SV2C: variants seen among roughly 807,000 people sequenced by gnomAD.
SV2C encodes the protein synaptic vesicle glycoprotein 2C.
Under a neutral mutation model 79.7 loss-of-function variants are expected in SV2C, and 49 were observed. The observed-to-expected ratio is 0.61, with a 90% CI of 0.49 to 0.78. The LOEUF is 0.78. Ranked by LOEUF, SV2C falls within the 30% of genes least tolerant of loss-of-function variation. The pLI, the probability that SV2C is intolerant of heterozygous loss-of-function variation, is 0.00. For synonymous variants in SV2C, 334 were observed against 333.2 expected (o/e 1.00, Z -0.03); for missense variants, 833 against 912.9 (o/e 0.91, Z 1.13).
the SV2C span, among the ~76,000 whole-genome samples, chr5:76,014,286 A>T: frequency 6.8e-6 from 1 of 146,906 alleles, no homozygotes; most frequent in Non-Finnish European, 1.5e-5. Flanking sequence ...GAAAGAAAGA[A>T]ATCTTTCTCT....
the SV2C span, among the ~76,000 whole-genome samples, chr5:76,064,582 G>T: frequency 2.7e-3 from 411 of 152,180 alleles, no homozygotes; most frequent in Non-Finnish European, 4.3e-3. Flanking sequence ...ATTGTGTTAG[G>T]TCCTACTCAG....
At chr5:76,221,971 C>A (rs1034857866) in intron 4 of SV2C, among the ~76,000 whole-genome samples, 1 of 152,040 alleles carries the variant, frequency 6.6e-6, no homozygotes, top group Non-Finnish European at 1.5e-5. Flanking sequence ...GTGAATAAAT[C>A]GTGAATACAT....
chr5:76,348,638 G>A (rs1161810747), intron 12 of SV2C, among the ~76,000 whole-genome samples: 1 of 152,210 alleles, frequency 6.6e-6, no homozygotes, highest in Non-Finnish European at 1.5e-5. Context: ...TACCAGAGAA[G>A]GTTGTACATG....
At chr5:76,045,756 T>C in the SV2C span, among the ~76,000 whole-genome samples, 1 of 152,158 alleles carries the variant, frequency 6.6e-6, no homozygotes, top group Non-Finnish European at 1.5e-5. Flanking sequence ...ATAAATAGCG[T>C]GGTAATTTGC....
downstream of SV2C, among the ~76,000 whole-genome samples, chr5:76,338,663 T>C (rs541910502): frequency 6.7e-5 from 10 of 149,150 alleles, no homozygotes; most frequent in East Asian, 1.7e-3. Flanking sequence ...CTTTTTCTTT[T>C]TTTTTTTTTT....
the SV2C span, among the ~76,000 whole-genome samples, chr5:76,038,779 A>C: frequency 4.6e-5 from 7 of 152,364 alleles, no homozygotes; most frequent in East Asian, 1.9e-4. Context: ...AGAAAATTAA[A>C]GCTTTCTGCA....
At chr5:76,067,067 G>C in the SV2C span, among the ~76,000 whole-genome samples, 2 of 152,102 alleles carry the variant, frequency 1.3e-5, no homozygotes, top group African/African-American at 4.8e-5. Flanking sequence ...AAAGAAAAAA[G>C]ATGTGATCTA....
At chr5:75,880,797 C>G in the SV2C span, among the ~76,000 whole-genome samples, 2 of 152,156 alleles carry the variant, frequency 1.3e-5, no homozygotes, top group Non-Finnish European at 2.9e-5. Context: ...TATCAATGCC[C>G]CACTTCTCAG....
intron 1 of SV2C, among the ~76,000 whole-genome samples, chr5:76,112,501 G>C (rs115655862): frequency 2.1e-4 from 32 of 152,166 alleles, no homozygotes; most frequent in African/African-American, 3.4e-4. Flanking sequence ...AAGGGGATGG[G>C]GGGGAGGACC....
At chr5:76,014,301 A>G in the SV2C span, among the ~76,000 whole-genome samples, 1 of 152,040 alleles carries the variant, frequency 6.6e-6, no homozygotes, top group Non-Finnish European at 1.5e-5. Context: ...TTCTCTTTGA[A>G]AGAAGAAAGG....
At chr5:76,051,469 T>C in the SV2C span, among the ~76,000 whole-genome samples, 7 of 152,180 alleles carry the variant, frequency 4.6e-5, no homozygotes, top group African/African-American at 1.7e-4. Context: ...TCAACAAAAA[T>C]ATCCATCAGT....
the SV2C span, among the ~76,000 whole-genome samples, chr5:75,849,093 G>T: frequency 2.0e-5 from 3 of 152,146 alleles, no homozygotes; most frequent in African/African-American, 7.2e-5. Context: ...AAGTCTCTGA[G>T]TGGGTAGAAC....
upstream of SV2C, among the ~76,000 whole-genome samples, chr5:76,081,640 C>T (rs1357056116): frequency 1.3e-5 from 2 of 152,218 alleles, no homozygotes; most frequent in Admixed American, 6.5e-5. Context: ...GCACCATGGT[C>T]ACAGACTGCA....
downstream of SV2C, among the ~76,000 whole-genome samples, chr5:76,337,244 TTCTC>T (rs1216762792): frequency 6.6e-6 from 1 of 152,146 alleles, no homozygotes; most frequent in African/African-American, 2.4e-5. Flanking sequence ...CATGGCCATC[TTCTC>T]TCTGTGTCTT....
chr5:75,872,073 G>A, the SV2C span, among the ~76,000 whole-genome samples: 3 of 145,718 alleles, frequency 2.1e-5, no homozygotes, highest in Admixed American at 6.9e-5. Flanking sequence ...ACATATATAT[G>A]AATATATATG....
At chr5:75,939,426 C>T in the SV2C span, among the ~76,000 whole-genome samples, 1 of 152,094 alleles carries the variant, frequency 6.6e-6, no homozygotes, top group Non-Finnish European at 1.5e-5. Context: ...CTAAAGTCAT[C>T]AGACCAGGGC....
At chr5:75,984,601 A>ACC in the SV2C span, among the ~76,000 whole-genome samples, 6 of 138,476 alleles carry the variant, frequency 4.3e-5, no homozygotes, top group Non-Finnish European at 9.8e-5. Context: ...CTATCTACCT[A>ACC]TCTATCTATC....
At chr5:76,292,428 A>C (rs1331053225) in intron 8 of SV2C, among the ~76,000 whole-genome samples, 2 of 152,194 alleles carry the variant, frequency 1.3e-5, no homozygotes, top group African/African-American at 4.8e-5. Flanking sequence ...CTGTATAAAG[A>C]GTAAAGCTCT....
the SV2C span, among the ~76,000 whole-genome samples, chr5:75,983,230 TA>T: frequency 2.6e-5 from 4 of 151,634 alleles, no homozygotes; most frequent in African/African-American, 9.7e-5. Context: ...AAATAACAGT[TA>T]AAAAAAAGAG....
Sources: allele counts gnomAD v4.1 joint callset (sites outside exome capture counted in the v4.1 genomes callset), GRCh38; gene constraint gnomAD v4.1.1; transcripts MANE v1.5; gene names NCBI Gene and HGNC (gene_info 2026-07-23, HGNC 2026-07-21).